Variants in CSMD3 observed in about 807,000 individuals in gnomAD.
CSMD3 encodes CUB and Sushi multiple domains 3.
Under a neutral mutation model 435.2 loss-of-function variants are expected in CSMD3, and 177 were observed. That is an observed-to-expected ratio of 0.41 (90% CI 0.36 to 0.46). CSMD3 has a LOEUF of 0.46. CSMD3 is among the 20% of genes least tolerant of loss of function. The pLI is 0.34. For missense variants in CSMD3, 4,265 were observed against 4,504.6 expected (o/e 0.95, Z 1.52); for synonymous variants, 1,656 against 1,520.5 (o/e 1.09, Z -2.07).
chr8:113,399,130 A>G (rs1348926076), intron 1 of CSMD3, among the ~76,000 whole-genome samples: 1 of 135,466 alleles, frequency 7.4e-6, no homozygotes, highest in African/African-American at 2.7e-5. Flanking sequence ...CACACTATAT[A>G]TGTGTGTGTA....
At chr8:113,067,950 T>C (rs1419864440) in intron 5 of CSMD3, among the ~76,000 whole-genome samples, 2 of 152,090 alleles carry the variant, frequency 1.3e-5, no homozygotes, top group Non-Finnish European at 2.9e-5. Context: ...GTTTGAAACA[T>C]AATTGCACTG....
intron 6 of CSMD3, among the ~76,000 whole-genome samples, chr8:112,978,409 C>A (rs150013904): frequency 2.3e-3 from 348 of 152,022 alleles, no homozygotes; most frequent in African/African-American, 8.0e-3. Context: ...TCTAATCACT[C>A]AAGACCTGCA....
At chr8:112,308,321 G>A (rs990579780) in intron 50 of CSMD3, among the ~76,000 whole-genome samples, 3 of 151,966 alleles carry the variant, frequency 2.0e-5, no homozygotes, top group African/African-American at 7.2e-5. Flanking sequence ...ATTCATTGTT[G>A]GTGTAGTATA....
chr8:112,252,877 C>T (rs926719964), intron 63 of CSMD3, among the ~76,000 whole-genome samples: 3 of 150,960 alleles, frequency 2.0e-5, no homozygotes, highest in African/African-American at 7.3e-5. Flanking sequence ...TGATTTAATA[C>T]CTGTTTATTA....
At chr8:113,110,416 A>C (rs965001176) in intron 4 of CSMD3, among the ~76,000 whole-genome samples, 1 of 152,160 alleles carries the variant, frequency 6.6e-6, no homozygotes, top group African/African-American at 2.4e-5. Flanking sequence ...ATTAACCAGA[A>C]CTTCTATCTT....
chr8:112,741,980 G>C (rs550525789), intron 13 of CSMD3, among the ~76,000 whole-genome samples: 26 of 151,866 alleles, frequency 1.7e-4, no homozygotes, highest in African/African-American at 5.1e-4. Context: ...GAATTAATAG[G>C]CTTGACAGAA....
chr8:112,384,801 C>T (rs926164308), intron 36 of CSMD3, among the ~76,000 whole-genome samples: 1 of 152,160 alleles, frequency 6.6e-6, no homozygotes. Context: ...AGAAGTAAAG[C>T]CGTATGATTG....
chr8:113,100,125 CTT>C (rs1321779247), intron 4 of CSMD3, among the ~76,000 whole-genome samples: 1 of 152,008 alleles, frequency 6.6e-6, no homozygotes, highest in Non-Finnish European at 1.5e-5. Flanking sequence ...ATAGTATTAG[CTT>C]TTTTCTTTCT....
chr8:112,754,464 A>C (rs1003880954), intron 13 of CSMD3, among the ~76,000 whole-genome samples: 2 of 151,976 alleles, frequency 1.3e-5, no homozygotes. Context: ...CAGTAATTTC[A>C]AGTGTTTTTT....
intron 22 of CSMD3, among the ~76,000 whole-genome samples, chr8:112,606,891 A>G (rs2131445197): frequency 6.7e-6 from 1 of 148,584 alleles, no homozygotes; most frequent in African/African-American, 2.5e-5. Context: ...TGTCCAAGAG[A>G]GAAGTTTTCA....
chr8:112,303,356 G>C (rs1821111300), intron 52 of CSMD3, among the ~76,000 whole-genome samples: 1 of 152,068 alleles, frequency 6.6e-6, no homozygotes, highest in African/African-American at 2.4e-5. Context: ...AGGAGTTCCA[G>C]ACCAGCCTGG....
intron 11 of CSMD3, among the ~76,000 whole-genome samples, chr8:112,842,222 A>C (rs1366578449): frequency 6.6e-6 from 1 of 151,866 alleles, no homozygotes; most frequent in Non-Finnish European, 1.5e-5. Context: ...ATAACCTTCC[A>C]TTCTGCTGCA....
intron 28 of CSMD3, among the ~76,000 whole-genome samples, chr8:112,511,422 C>T (rs567241447): frequency 5.0e-5 from 7 of 139,516 alleles, no homozygotes; most frequent in Admixed American, 1.5e-4. Context: ...TGGAGTCTCG[C>T]TCTGTTGCCT....
intron 3 of CSMD3, among the ~76,000 whole-genome samples, chr8:113,198,790 T>G (rs978725034): frequency 6.6e-6 from 1 of 151,196 alleles, no homozygotes; most frequent in African/African-American, 2.4e-5. Context: ...TGCAGCCCAT[T>G]TTTCTATTCT....
At chr8:113,119,172 T>TC (rs2090918400) in intron 4 of CSMD3, among the ~76,000 whole-genome samples, 1 of 152,098 alleles carries the variant, frequency 6.6e-6, no homozygotes. Flanking sequence ...AACCTATTTT[T>TC]CCCCAATGAA....
chr8:112,811,105 T>C (rs997539698), intron 12 of CSMD3, among the ~76,000 whole-genome samples: 1 of 151,998 alleles, frequency 6.6e-6, no homozygotes. Context: ...TTTCTGATAA[T>C]TACCTTGCTT....
chr8:112,936,610 C>A (rs992012285), intron 9 of CSMD3, among the ~76,000 whole-genome samples: 2 of 151,948 alleles, frequency 1.3e-5, no homozygotes, highest in Admixed American at 6.6e-5. Context: ...TTTTCAAAAA[C>A]ACCCTTGTAA....
intron 35 of CSMD3, among the ~76,000 whole-genome samples, chr8:112,391,996 AAC>A (rs762009458): frequency 3.3e-5 from 5 of 152,144 alleles, no homozygotes; most frequent in Non-Finnish European, 7.4e-5. Flanking sequence ...CAATCTCTGA[AAC>A]ACAGATATCT....
intron 36 of CSMD3, among the ~76,000 whole-genome samples, chr8:112,386,715 TCG>T (rs1374637505): frequency 2.6e-5 from 4 of 152,098 alleles, no homozygotes; most frequent in African/African-American, 4.8e-5. Context: ...GCCAGGATGG[TCG>T]CTATCTCCTG....
Sources: allele counts gnomAD v4.1 joint callset (sites outside exome capture counted in the v4.1 genomes callset), GRCh38; gene constraint gnomAD v4.1.1; transcripts MANE v1.5; gene names NCBI Gene and HGNC (gene_info 2026-07-23, HGNC 2026-07-21).